The following FAAH2 variants were observed in gnomAD, a reference collection of about 807,000 sequenced individuals.
FAAH2 encodes fatty acid amide hydrolase 2.
Under a neutral mutation model 36.9 loss-of-function variants are expected in FAAH2, and 60 were observed. The observed-to-expected ratio is 1.63, with a 90% CI of 1.32 to 2.02. FAAH2 has a LOEUF of 2.02. Among genes scored for constraint, FAAH2 ranks in the 30% most tolerant of loss-of-function variants. FAAH2 has a pLI of 0.00. For synonymous variants in FAAH2, 214 were observed against 143.8 expected (o/e 1.49, Z -3.49); for missense variants, 689 against 397.5 (o/e 1.73, Z -6.23).
Position 57,286,815 on chromosome X carries a change from T to C in FAAH2, c.-11T>C. On this transcript the variant is annotated 5_prime_UTR_variant, in exon 1 of 11. Transcript: ENST00000374900. ...CCTCAAGCACTAGGACCGTGCGGAA[T>C]CCAGGCTGCGATGGCACCTTCATTT... 1 of 1,172,999 alleles carries C rather than the reference T, an allele frequency of 8.5e-7. No individual in the cohort carries two copies. The highest frequency in any genetic ancestry group is 1.1e-6 in the Non-Finnish European group (1 of 874,129).
chrX:57,352,634 TAA>T (rs1426688513), intron 5 of FAAH2, among the ~76,000 whole-genome samples: 2 of 110,815 alleles, frequency 1.8e-5, no homozygotes, highest in African/African-American at 3.3e-5. Flanking sequence ...CAGCAATAAA[TAA>T]AAGACATCCA....
chrX:57,385,905 T>TATA (rs1555992482), intron 7 of FAAH2, among the ~76,000 whole-genome samples: 1 of 95,838 alleles, frequency 1.0e-5, no homozygotes, highest in Non-Finnish European at 2.1e-5. Context: ...GAGACTCCGT[T>TATA]AAAAAAAAAA....
the FAAH2 span, among the ~76,000 whole-genome samples, chrX:57,202,554 C>T: frequency 2.7e-5 from 3 of 111,854 alleles, no homozygotes; most frequent in Non-Finnish European, 5.6e-5. Flanking sequence ...CTTTCTTGGC[C>T]ACCACCATTA....
the FAAH2 span, among the ~76,000 whole-genome samples, chrX:57,268,564 G>T: frequency 1.5e-4 from 17 of 111,408 alleles, no homozygotes; most frequent in Admixed American, 1.6e-3. Context: ...GTTCTCCAAG[G>T]TTGAAATGAA....
At chrX:57,218,054 A>G in the FAAH2 span, among the ~76,000 whole-genome samples, 1 of 112,127 alleles carries the variant, frequency 8.9e-6, no homozygotes, top group East Asian at 2.8e-4. Context: ...TCTTGTATCC[A>G]GAAACTTTGC....
At chrX:57,250,537 G>A in the FAAH2 span, among the ~76,000 whole-genome samples, 3 of 110,982 alleles carry the variant, frequency 2.7e-5, no homozygotes, top group South Asian at 1.1e-3. Context: ...TAGTGCGTTT[G>A]TTAGGTAATG....
chrX:57,348,955 A>G (rs1490557883), intron 5 of FAAH2, among the ~76,000 whole-genome samples: 1 of 106,690 alleles, frequency 9.4e-6, no homozygotes, highest in African/African-American at 3.4e-5. Context: ...AAATCTCAAA[A>G]TGCCATTTAA....
chrX:57,442,136 A>G (rs1359732678), intron 8 of FAAH2, among the ~76,000 whole-genome samples: 1 of 111,140 alleles, frequency 9.0e-6, no homozygotes, highest in Admixed American at 9.6e-5. Flanking sequence ...CGCTTGGTGC[A>G]GAGCTGAGTT....
chrX:57,182,422 A>G, the FAAH2 span, among the ~76,000 whole-genome samples: 5 of 112,042 alleles, frequency 4.5e-5, no homozygotes, highest in Non-Finnish European at 9.4e-5. Context: ...CACTTTTCAA[A>G]ACAAAACATG....
the FAAH2 span, among the ~76,000 whole-genome samples, chrX:57,132,753 C>A: frequency 8.9e-6 from 1 of 112,680 alleles, no homozygotes; most frequent in East Asian, 2.8e-4. Context: ...CAAACCTTGT[C>A]TCCCCTCCAT....
the FAAH2 span, among the ~76,000 whole-genome samples, chrX:57,265,703 A>G: frequency 8.9e-6 from 1 of 112,196 alleles, no homozygotes; most frequent in Non-Finnish European, 1.9e-5. Context: ...TCCATGGGAA[A>G]GAGCTCCCAG....
the FAAH2 span, among the ~76,000 whole-genome samples, chrX:57,241,447 G>GA: frequency 2.8e-4 from 31 of 108,851 alleles, no homozygotes; most frequent in South Asian, 3.5e-3. Flanking sequence ...AAAACTACAA[G>GA]AAAAAAAAAC....
the FAAH2 span, among the ~76,000 whole-genome samples, chrX:57,139,783 G>A: frequency 9.0e-6 from 1 of 111,692 alleles, no homozygotes; most frequent in African/African-American, 3.3e-5. Context: ...TTTGAAGTCA[G>A]GTAATTTGAT....
chrX:57,477,857 G>A (rs1376722275), intron 10 of FAAH2, among the ~76,000 whole-genome samples: 2 of 111,739 alleles, frequency 1.8e-5, no homozygotes, highest in African/African-American at 6.5e-5. Context: ...CATGGTGTAT[G>A]TGTGCCACAT....
At chrX:57,245,904 T>A in the FAAH2 span, among the ~76,000 whole-genome samples, 1 of 110,607 alleles carries the variant, frequency 9.0e-6, no homozygotes, top group South Asian at 3.8e-4. Flanking sequence ...GATAGAGACA[T>A]GAAGAACCCT....
chrX:57,397,337 T>C (rs2055329111), intron 7 of FAAH2, among the ~76,000 whole-genome samples: 1 of 111,971 alleles, frequency 8.9e-6, no homozygotes, highest in South Asian at 3.7e-4. Flanking sequence ...GTCTCAATCA[T>C]GTAATTGCCA....
the FAAH2 span, among the ~76,000 whole-genome samples, chrX:57,193,011 G>T: frequency 8.9e-6 from 1 of 112,266 alleles, no homozygotes; most frequent in African/African-American, 3.2e-5. Flanking sequence ...GCACCTTGAA[G>T]AAAGAACAGG....
At chrX:57,407,883 A>G (rs1235322419) in intron 7 of FAAH2, among the ~76,000 whole-genome samples, 4 of 112,337 alleles carry the variant, frequency 3.6e-5, no homozygotes, top group Non-Finnish European at 7.5e-5. Flanking sequence ...TCCAGATTTC[A>G]TAAAATAACT....
At position 57,424,261 on chromosome X, in the gene FAAH2, A is replaced by G. The variant is rs145558843; in HGVS notation, c.997-7657A>G. On this transcript the variant is annotated intron_variant, in intron 7 of 10. Coordinates refer to ENST00000374900, the MANE Select transcript of FAAH2 (RefSeq NM_174912.4). Reference sequence around the variant, plus strand: ...AGGTTTGCCTCTTCAAATTCTGCACAGCATTACCCCATCTCTGGGGCTGAG... The same window carrying G: ...AGGTTTGCCTCTTCAAATTCTGCACGGCATTACCCCATCTCTGGGGCTGAG... Among the ~76,000 whole-genome samples the G allele has an allele frequency of 4.2e-3, 472 of 112,374 alleles. 3 individuals carry two copies. Among genetic ancestry groups the G allele is most frequent in the African/African-American group, 0.015 (451 of 30,941 alleles).
Sources: allele counts gnomAD v4.1 joint callset (sites outside exome capture counted in the v4.1 genomes callset), GRCh38; gene constraint gnomAD v4.1.1; transcripts MANE v1.5; gene names NCBI Gene and HGNC (gene_info 2026-07-23, HGNC 2026-07-21).